The following AKAP9 variants were observed in gnomAD, a reference collection of about 807,000 sequenced individuals.
AKAP9 encodes the protein A-kinase anchor protein 9.
AKAP9 carries 311 observed loss-of-function variants against 488.5 expected under a neutral mutation model. That is an observed-to-expected ratio of 0.64 (90% CI 0.58 to 0.70). The LOEUF is 0.70. Ranked by LOEUF, AKAP9 falls within the 30% of genes least tolerant of loss-of-function variation. The pLI is 0.00. For missense variants in AKAP9, 4,215 were observed against 4,374.5 expected, an observed-to-expected ratio of 0.96 and a Z score of 1.03; for synonymous variants, 1,462 against 1,483.5, an observed-to-expected ratio of 0.99 and a Z score of 0.33.
chr7:92,062,486 C>T lies in AKAP9; in HGVS notation c.5977C>T (p.Gln1993Ter), dbSNP rs786205714. 5.0e-6 allele frequency: 8 copies of T among 1,611,806 alleles called. No homozygotes were observed. Among genetic ancestry groups the T allele is most frequent in the Non-Finnish European group, 6.8e-6 (8 of 1,178,446 alleles). The change falls in exon 24 of 50, where the codon CAA (glutamine) becomes TAA (stop). Residue 1993 changes from glutamine (Q) to a stop codon, truncating the protein, a stop_gained and splice_region_variant. Coordinates refer to ENST00000356239, the MANE Select transcript of AKAP9 (RefSeq NM_005751.5). LOFTEE classifies it high-confidence loss of function. Reference protein sequence around the residue: ...MKAEAGPVEQQLLQETEKLMK... With the variant: ...MKAEAGPVEQ ...AGCAGAGGCAGGCCCAGTTGAACAA[C>T]GTAAGTATTTTCAGAATTTGTATGA...
chr7:91,992,376 A>G (rs1797857641), intron 4 of AKAP9, among the ~76,000 whole-genome samples, 165 bp downstream of exon 4: 1 of 152,164 alleles, frequency 6.6e-6, no homozygotes. Flanking sequence ...ATAAAACTCA[A>G]TTGTAGGCCA....
At chr7:91,984,095 G>T (rs183637362) in intron 3 of AKAP9, among the ~76,000 whole-genome samples, 1 of 152,176 alleles carries the variant, frequency 6.6e-6, no homozygotes, top group Non-Finnish European at 1.5e-5. Flanking sequence ...TTTTCACTCT[G>T]ATGGTAGTTT....
chr7:92,083,641 C>T lies in AKAP9; in HGVS notation c.8632C>T (p.Leu2878=). 1 of 1,611,086 alleles carries T rather than the reference C, an allele frequency of 6.2e-7. No individual in the cohort carries two copies. The highest frequency in any genetic ancestry group is 8.5e-7 in the Non-Finnish European group (1 of 1,179,360). The change falls in exon 33 of 50, where the codon CTG becomes TTG. Residue 2878 remains leucine (L), a synonymous_variant. Coordinates refer to ENST00000356239, the MANE Select transcript of AKAP9 (RefSeq NM_005751.5). Reference sequence around the variant, plus strand: ...TACCTTGAAGGCAGTGATACAGTGTCTGAGAAGTAAAGAGGTATTTGGTTT... The same window carrying T: ...TACCTTGAAGGCAGTGATACAGTGTTTGAGAAGTAAAGAGGTATTTGGTTT... ...CGTLKAVIQC[L]RSKEGSSIPE... is the part of the protein sequence containing the mutation.
At chr7:92,062,247 C>A (rs1809996059) in intron 23 of AKAP9, 27 bp from the exon 24 acceptor site, 4 of 1,575,800 alleles carry the variant, frequency 2.5e-6, no homozygotes, top group African/African-American at 1.4e-5. Flanking sequence ...AATAATAGTT[C>A]TATTTTCTGT....
rs976589864 is a variant in AKAP9 at position 91,993,160 on chromosome 7, A to G, written c.576+105A>G. The G allele has an allele frequency of 4.9e-6, 6 of 1,220,794 alleles. No homozygotes were observed. In the Admixed American group the frequency reaches 1.5e-4, roughly 31 times the overall value. The allele number at this position is 1,220,794 out of a possible 1,614,324, so 75.6% of individuals were successfully genotyped here. ...GATGGGGTTTTTAAAATTTTTTTTTAACTTTTTTCTTTTCTTTTCTTCTTC... is the reference window on the plus strand; with the variant it reads ...GATGGGGTTTTTAAAATTTTTTTTTGACTTTTTTCTTTTCTTTTCTTCTTC... On this transcript the variant is annotated intron_variant, in intron 5 of 49. Transcript: ENST00000356239.
intron 7 of AKAP9, among the ~76,000 whole-genome samples, chr7:91,999,445 C>T (rs1000609096): frequency 6.6e-6 from 1 of 152,058 alleles, no homozygotes; most frequent in Non-Finnish European, 1.5e-5. Context: ...ATGTTTAAAG[C>T]TTGAATAAGA....
chr7:91,986,507 T>C (rs777418681), intron 3 of AKAP9, among the ~76,000 whole-genome samples: 18 of 152,242 alleles, frequency 1.2e-4, no homozygotes, highest in Non-Finnish European at 2.1e-4. Flanking sequence ...AGACCGGAGC[T>C]GTTCCTATTT....
At chr7:91,941,196 C>T (rs775233191) in intron 1 of AKAP9, 49 bp downstream of exon 1, 4 of 1,578,388 alleles carry the variant, frequency 2.5e-6, no homozygotes, top group Admixed American at 3.3e-5. Flanking sequence ...CGGTGGCTAG[C>T]ACGGGGTGGG....
Position 91,992,056 on chromosome 7 carries a change from A to T in AKAP9, c.352-102A>T, listed in dbSNP as rs979232473. 1.2e-5 allele frequency: 11 copies of T among 951,412 alleles called. No homozygotes were observed. In the Admixed American group the frequency reaches 1.8e-4, roughly 16 times the overall value. The allele number at this position is 951,412 out of a possible 1,614,324, so 58.9% of individuals were successfully genotyped here. Reference sequence around the variant, plus strand: ...TTTTCGCCAATGATGCATTTTCCCTAGGAATAAAAGACATACACGTGAATA... The same window carrying T: ...TTTTCGCCAATGATGCATTTTCCCTTGGAATAAAAGACATACACGTGAATA... On this transcript the variant is annotated intron_variant, in intron 3 of 49. Coordinates refer to ENST00000356239, the MANE Select transcript of AKAP9 (RefSeq NM_005751.5).
At chr7:92,100,474 A>G (rs1300789162) in intron 44 of AKAP9, among the ~76,000 whole-genome samples, 3 of 152,230 alleles carry the variant, frequency 2.0e-5, no homozygotes, top group African/African-American at 7.2e-5. Flanking sequence ...CGTGCCTTTT[A>G]TAGAAATCCA....
chr7:92,097,121 A>C lies in AKAP9; in HGVS notation c.10162A>C (p.Arg3388=). ...QQMEKDRQVH[R]KTLQTEQEAN... ...AATGGAAAAAGATAGGCAGGTTCAC[A>C]GGAAAACACTGCAGACAGAACAGGA... Residue 3388 remains arginine, a synonymous_variant, in exon 41 of 50, where the codon AGG becomes CGG. Coordinates refer to ENST00000356239, the MANE Select transcript of AKAP9 (RefSeq NM_005751.5). 6.2e-7 allele frequency: 1 copy of C among 1,614,268 alleles called. No individual in the cohort carries two copies. The highest frequency in any genetic ancestry group is 8.5e-7 in the Non-Finnish European group (1 of 1,180,048).
chr7:92,005,588 AT>A (rs1242726937), intron 8 of AKAP9, among the ~76,000 whole-genome samples: 3 of 152,168 alleles, frequency 2.0e-5, no homozygotes, highest in African/African-American at 7.2e-5. Flanking sequence ...TATATTTATG[AT>A]TTATATCAAA....
In AKAP9 at chr7:91,973,780, A is replaced by G; in HGVS notation, c.118A>G (p.Arg40Gly). Residue 40 changes from arginine (R) to glycine (G), a missense_variant, in exon 2 of 50, where the codon AGA becomes GGA. Coordinates refer to ENST00000356239, the MANE Select transcript of AKAP9 (RefSeq NM_005751.5). Reference sequence around the variant, plus strand: ...TCCTTCCAAGAAGCAGAAAAAAAAGAGAAAAACGTCAAGCAGTAAACATGA... The same window carrying G: ...TCCTTCCAAGAAGCAGAAAAAAAAGGGAAAAACGTCAAGCAGTAAACATGA... ...QSPSKKQKKK[R>G]KTSSSKHDVS... The G allele has an allele frequency of 6.2e-7, 1 of 1,614,152 alleles. No homozygotes were observed. Among genetic ancestry groups the G allele is most frequent in the Non-Finnish European group, 8.5e-7 (1 of 1,180,020 alleles).
intron 1 of AKAP9, among the ~76,000 whole-genome samples, chr7:91,956,264 G>C (rs933516261): frequency 2.1e-4 from 32 of 151,836 alleles, no homozygotes; most frequent in African/African-American, 7.7e-4. Flanking sequence ...GCCGGGTGTG[G>C]TGGCAGGCGC....
chr7:92,039,121 G>A (rs983244229), intron 17 of AKAP9, among the ~76,000 whole-genome samples: 3 of 152,198 alleles, frequency 2.0e-5, no homozygotes, highest in Middle Eastern at 3.4e-3. Context: ...GGACAGGATG[G>A]TCTCGATCTC....
intron 23 of AKAP9, among the ~76,000 whole-genome samples, chr7:92,061,775 G>T (rs1408799276): frequency 2.0e-5 from 3 of 151,680 alleles, no homozygotes; most frequent in Non-Finnish European, 2.9e-5. Flanking sequence ...TTATTAAATT[G>T]TTAAAGGGCA....
chr7:92,022,907 C>G lies in AKAP9; in HGVS notation c.4046C>G (p.Ser1349Cys). ...QVQELESLISSLQQQLKETEQ... is the reference protein window; with the variant it reads ...QVQELESLISCLQQQLKETEQ... ...CAAGAATTAGAAAGCCTCATATCCTCTTTGCAGCAACAGTTGAAAGAAACT... is the reference window on the plus strand; with the variant it reads ...CAAGAATTAGAAAGCCTCATATCCTGTTTGCAGCAACAGTTGAAAGAAACT... Residue 1349 changes from serine to cysteine, a missense_variant, in exon 14 of 50, where the codon TCT (serine) becomes TGT (cysteine). Coordinates refer to ENST00000356239, the MANE Select transcript of AKAP9 (RefSeq NM_005751.5). The G allele has an allele frequency of 6.2e-7, 1 of 1,613,638 alleles. No homozygotes were observed. Among genetic ancestry groups the G allele is most frequent in the Non-Finnish European group, 8.5e-7 (1 of 1,179,610 alleles).
Position 92,062,487 on chromosome 7 carries a change from G to A in AKAP9, c.5977+1G>A. 3 of 1,611,842 alleles carry A rather than the reference G, an allele frequency of 1.9e-6. No homozygotes were observed. The highest frequency in any genetic ancestry group is 1.7e-5 in the Admixed American group (1 of 59,952). On this transcript the variant is annotated splice_donor_variant, in intron 24 of 49. Transcript: ENST00000356239. LOFTEE classifies it high-confidence loss of function. The stretch of plus-strand genomic sequence containing the variant: ...GCAGAGGCAGGCCCAGTTGAACAAC[G>A]TAAGTATTTTCAGAATTTGTATGAA...
intron 24 of AKAP9, among the ~76,000 whole-genome samples, chr7:92,064,976 A>T (rs1047265081): frequency 1.3e-5 from 2 of 151,978 alleles, no homozygotes; most frequent in African/African-American, 4.8e-5. Context: ...TTTTCACAAA[A>T]ATATTATTTT....
Sources: allele counts gnomAD v4.1 joint callset (sites outside exome capture counted in the v4.1 genomes callset), GRCh38; gene constraint gnomAD v4.1.1; transcripts MANE v1.5; gene names NCBI Gene and HGNC (gene_info 2026-07-23, HGNC 2026-07-21).